The following CDH22 variants were observed in gnomAD, a reference collection of about 807,000 sequenced individuals.
The protein encoded by CDH22 is cadherin 22.
CDH22 carries 30 observed loss-of-function variants against 58.4 expected under a neutral mutation model. The observed-to-expected ratio is 0.51, with a 90% confidence interval of 0.38 to 0.70. CDH22 has a LOEUF of 0.70. CDH22 is among the 30% of genes least tolerant of loss of function. The pLI, the probability that CDH22 is intolerant of heterozygous loss-of-function variation, is 0.00. For missense variants in CDH22, 1,014 were observed against 1,233.9 expected (o/e 0.82, Z 2.67); for synonymous variants, 513 against 558.2 (o/e 0.92, Z 1.14).
chr20:46,288,186 C>G, intron 1 of CDH22, among the ~76,000 whole-genome samples: 2 of 152,258 alleles, frequency 1.3e-5, no homozygotes, highest in Non-Finnish European at 2.9e-5. Context: ...CCAATCTTGT[C>G]TGATGGGGGA....
intron 1 of CDH22, among the ~76,000 whole-genome samples, chr20:46,281,789 G>A (rs1037187283): frequency 1.8e-4 from 28 of 152,214 alleles, no homozygotes; most frequent in African/African-American, 5.5e-4. Flanking sequence ...CAGATTCAAG[G>A]GAAAGGCAGG....
At chr20:46,233,694 A>G (rs1375904016) in intron 3 of CDH22, among the ~76,000 whole-genome samples, 1 of 152,214 alleles carries the variant, frequency 6.6e-6, no homozygotes, top group African/African-American at 2.4e-5. Flanking sequence ...AAAAAGAGAC[A>G]GGGATATATT....
rs771225265 is a variant in CDH22 at position 46,178,211 on chromosome 20, A to AG, written c.1664-15dup. The AG allele has an allele frequency of 6.2e-7, 1 of 1,605,296 alleles. No homozygotes were observed. Among genetic ancestry groups the AG allele is most frequent in the South Asian group, 1.1e-5 (1 of 90,766 alleles). On this transcript the variant is annotated splice_polypyrimidine_tract_variant and intron_variant, in intron 10 of 11. Transcript: ENST00000537909. The stretch of plus-strand genomic sequence containing the variant: ...CAGCGGTGTTGTCTGTTCCGGAAGA[A>AG]GGGGGAGCGGTGTGACTTGGGGCCG...
At chr20:46,302,868 C>T (rs1268075808) in intron 1 of CDH22, among the ~76,000 whole-genome samples, 1 of 152,156 alleles carries the variant, frequency 6.6e-6, no homozygotes, top group Non-Finnish European at 1.5e-5. Context: ...GGAATGGGAA[C>T]TCCTTCTCTC....
In CDH22 at chr20:46,251,317, G is replaced by A; in HGVS notation, c.-23C>T. On this transcript the variant is annotated 5_prime_UTR_variant, in exon 2 of 12. Coordinates refer to ENST00000537909, the MANE Select transcript of CDH22 (RefSeq NM_021248.3). The surrounding 1 kb of genome is among the most constrained non-coding windows in gnomAD (Gnocchi z 6.7). ...CATCCTTGGCCTGCGCGGGGCTGGG[G>A]CCCAGGAGCATGGACGAGAGGCACC... The A allele has an allele frequency of 1.4e-6, 2 of 1,431,038 alleles. No individual in the cohort carries two copies. The highest frequency in any genetic ancestry group is 1.8e-6 in the Non-Finnish European group (2 of 1,101,486). The allele number at this position is 1,431,038 out of a possible 1,614,324, so 88.6% of individuals were successfully genotyped here.
rs575825975 is a variant in CDH22 at position 46,227,800 on chromosome 20, C to T, written c.551-173G>A. ...CCCACTCTGAGCCCCAACCCTCTTC[C>T]TGTTTTGAGGCCTTTCTGGTGGCGC... On this transcript the variant is annotated intron_variant, in intron 3 of 11. Transcript: ENST00000537909. Among the ~76,000 whole-genome samples, 3 of 152,334 alleles carry T rather than the reference C, an allele frequency of 2.0e-5. No individual in the cohort carries two copies. The East Asian group carries it at 5.8e-4, about 29-fold the overall frequency.
intron 3 of CDH22, among the ~76,000 whole-genome samples, chr20:46,229,593 T>A (rs2086204502): frequency 6.6e-6 from 1 of 152,136 alleles, no homozygotes; most frequent in Non-Finnish European, 1.5e-5. Flanking sequence ...TCTCCTGAGA[T>A]CATTTTGAGA....
At position 46,216,544 on chromosome 20, in the gene CDH22, T is replaced by TC. The variant is rs1441341119; in HGVS notation, c.838+281dup. On this transcript the variant is annotated intron_variant, in intron 5 of 11. Transcript: ENST00000537909. This position sits in a 1 kb window ranked among gnomAD's most constrained non-coding sequence, Gnocchi z 5.3. ...GGACGGAAGGGTGGATGGGTGGGGC[T>TC]CCCCCTCTGCCGGAAGCAAGAGGAG... Among the ~76,000 whole-genome samples, 1 of 151,872 alleles carries TC rather than the reference T, an allele frequency of 6.6e-6. No homozygotes were observed. The highest frequency in any genetic ancestry group is 1.5e-5 in the Non-Finnish European group (1 of 67,964).
At chr20:46,201,277 G>A (rs1568656488) in intron 7 of CDH22, among the ~76,000 whole-genome samples, 1 of 152,232 alleles carries the variant, frequency 6.6e-6, no homozygotes, top group Non-Finnish European at 1.5e-5. Context: ...CAGGCAGGAG[G>A]AAAGGGGCCT....
chr20:46,187,913 G>T (rs1432305634), intron 8 of CDH22, among the ~76,000 whole-genome samples: 2 of 152,154 alleles, frequency 1.3e-5, no homozygotes, highest in African/African-American at 4.8e-5. Flanking sequence ...ATGGGTCGGG[G>T]CAACTAAACT....
At chr20:46,217,205 T>G (rs1176378588) in intron 4 of CDH22, among the ~76,000 whole-genome samples, 1 of 151,810 alleles carries the variant, frequency 6.6e-6, no homozygotes, top group Non-Finnish European at 1.5e-5. Context: ...CAGATACAGA[T>G]ACACATGCCC....
chr20:46,190,058 C>T (rs538092460), intron 8 of CDH22, among the ~76,000 whole-genome samples: 75 of 152,204 alleles, frequency 4.9e-4, no homozygotes, highest in African/African-American at 1.7e-3. Context: ...TTGGCTTCCT[C>T]CAAACCCCTC....
At chr20:46,274,146 G>A (rs566017524) in intron 1 of CDH22, among the ~76,000 whole-genome samples, 224 of 152,268 alleles carry the variant, frequency 1.5e-3, no homozygotes, top group African/African-American at 5.0e-3. Flanking sequence ...CTGCAGCTTC[G>A]AACAGTCATG....
chr20:46,260,108 G>C (rs913481788), intron 1 of CDH22, among the ~76,000 whole-genome samples: 1 of 152,176 alleles, frequency 6.6e-6, no homozygotes, highest in Non-Finnish European at 1.5e-5. Flanking sequence ...ATTCTGGTCA[G>C]TGAAATATAA....
rs2086377408 is a variant in CDH22 at position 46,251,625 on chromosome 20, G to A, written c.-331C>T. The A allele has an allele frequency of 4.9e-6, 1 of 205,674 alleles. No homozygotes were observed. The highest frequency in any genetic ancestry group is 9.6e-6 in the Non-Finnish European group (1 of 104,030). The allele number at this position is 205,674 out of a possible 1,614,324, so 12.7% of individuals were successfully genotyped here. On this transcript the variant is annotated 5_prime_UTR_variant, in exon 2 of 12. Coordinates refer to ENST00000537909, the MANE Select transcript of CDH22 (RefSeq NM_021248.3). This position sits in a 1 kb window ranked among gnomAD's most constrained non-coding sequence, Gnocchi z 6.7. ...GTCGGGGAAGCGCCATGGTTCCTGC[G>A]CAGAAAGGATGCGGGTTGGGGCCGG...
intron 5 of CDH22, among the ~76,000 whole-genome samples, chr20:46,215,667 G>A (rs951996073): frequency 5.3e-5 from 8 of 152,292 alleles, no homozygotes; most frequent in Admixed American, 2.0e-4. Context: ...TAAGAAAGAC[G>A]GAAAGAAAAA....
chr20:46,270,764 G>A (rs2086483521), intron 1 of CDH22, among the ~76,000 whole-genome samples: 1 of 152,182 alleles, frequency 6.6e-6, no homozygotes, highest in African/African-American at 2.4e-5. Context: ...TCCAGGCTGG[G>A]AGATATAAAT....
intron 11 of CDH22, among the ~76,000 whole-genome samples, chr20:46,177,036 A>T: frequency 6.6e-6 from 1 of 152,052 alleles, no homozygotes; most frequent in Non-Finnish European, 1.5e-5. Context: ...TGGGGGGAGA[A>T]GGGGGACCTC....
At chr20:46,221,467 A>C (rs1461274266) in intron 4 of CDH22, among the ~76,000 whole-genome samples, 1 of 152,120 alleles carries the variant, frequency 6.6e-6, no homozygotes, top group African/African-American at 2.4e-5. Context: ...CGGCGGGGAC[A>C]CATTGGTTCT....
Sources: gnomAD v4.1 joint callset for allele counts (sites outside exome capture counted in the v4.1 genomes callset) on GRCh38, gnomAD v4.1.1 for gene constraint, Gnocchi (gnomAD v3.1) non-coding constraint, MANE v1.5 for transcripts, NCBI Gene and HGNC (gene_info 2026-07-23, HGNC 2026-07-21) for gene names.